ST18: variants seen among roughly 807,000 people sequenced by gnomAD.
ST18 encodes the protein ST18 C2H2C-type zinc finger transcription factor.
ST18 carries 50 observed loss-of-function variants against 110.0 expected under a neutral mutation model. The observed-to-expected ratio is 0.45, with a 90% confidence interval of 0.36 to 0.58. The LOEUF is 0.58. ST18 is among the 20% of genes least tolerant of loss of function. The pLI is 0.00. For missense variants in ST18, 1,306 were observed against 1,280.1 expected (o/e 1.02, Z -0.31); for synonymous variants, 461 against 452.4 (o/e 1.02, Z -0.24).
chr8:52,208,253 A>C (rs1296981608), intron 8 of ST18, among the ~76,000 whole-genome samples: 3 of 152,230 alleles, frequency 2.0e-5, no homozygotes, highest in African/African-American at 7.2e-5. Flanking sequence ...CATTCTAAAA[A>C]GAAGAACCAA....
intron 8 of ST18, chr8:52,194,861 T>C (rs1316132265): frequency 6.6e-6 from 1 of 152,212 alleles, no homozygotes; most frequent in Non-Finnish European, 1.5e-5. Flanking sequence ...AACAATCATA[T>C]CATTTTAAAG....
intron 2 of ST18, among the ~76,000 whole-genome samples, chr8:52,387,722 C>T (rs536928645): frequency 6.6e-5 from 10 of 152,146 alleles, no homozygotes; most frequent in Admixed American, 1.3e-4. Flanking sequence ...CCCAAGCAGA[C>T]GAATAATTAC....
At chr8:52,360,626 G>A (rs1554846961) in intron 2 of ST18, among the ~76,000 whole-genome samples, 2 of 152,120 alleles carry the variant, frequency 1.3e-5, no homozygotes, top group South Asian at 4.1e-4. Context: ...AGTGAACTGA[G>A]GCAAATTGTA....
chr8:52,250,445 C>CAAAGAA (rs2094202787), intron 2 of ST18, among the ~76,000 whole-genome samples: 1 of 4,272 alleles, frequency 2.3e-4, no homozygotes, highest in Non-Finnish European at 4.2e-4. Context: ...GCCTCAAAGG[C>CAAAGAA]AAAAAAAAAA....
At chr8:52,183,255 A>C (rs2070606841) in intron 8 of ST18, among the ~76,000 whole-genome samples, 1 of 152,208 alleles carries the variant, frequency 6.6e-6, no homozygotes, top group South Asian at 2.1e-4. Context: ...GGATATACAC[A>C]ACAGTCATTC....
chr8:52,200,775 T>TA (rs943632068), intron 8 of ST18, among the ~76,000 whole-genome samples: 1 of 152,150 alleles, frequency 6.6e-6, no homozygotes, highest in African/African-American at 2.4e-5. Context: ...AGATCAGACA[T>TA]AGAGTCTGAA....
intron 8 of ST18, among the ~76,000 whole-genome samples, chr8:52,190,867 G>A (rs534908195): frequency 1.3e-5 from 2 of 152,332 alleles, no homozygotes; most frequent in East Asian, 1.9e-4. Flanking sequence ...AAGATAAGTC[G>A]AACGAAGATT....
At chr8:52,205,016 T>C (rs1454912380) in intron 8 of ST18, among the ~76,000 whole-genome samples, 3 of 152,090 alleles carry the variant, frequency 2.0e-5, no homozygotes, top group East Asian at 3.9e-4. Flanking sequence ...AAAATACAGA[T>C]ATTAAGATTT....
chr8:52,270,244 G>A (rs987023028), intron 2 of ST18, among the ~76,000 whole-genome samples: 14 of 151,984 alleles, frequency 9.2e-5, no homozygotes, highest in Admixed American at 7.2e-4. Context: ...GAGTTAAATC[G>A]TCTAAACTCT....
intron 2 of ST18, among the ~76,000 whole-genome samples, chr8:52,290,365 C>G (rs921608736): frequency 6.6e-6 from 1 of 152,174 alleles, no homozygotes; most frequent in Non-Finnish European, 1.5e-5. Flanking sequence ...AAGGGAAATG[C>G]TACACTTTAG....
At chr8:52,181,375 T>C (rs1475975427) in intron 8 of ST18, among the ~76,000 whole-genome samples, 2 of 152,196 alleles carry the variant, frequency 1.3e-5, no homozygotes, top group Non-Finnish European at 2.9e-5. Context: ...TGCCTATTCG[T>C]GAAAATGATT....
At chr8:52,356,701 G>A (rs1342461043) in intron 2 of ST18, among the ~76,000 whole-genome samples, 1 of 152,004 alleles carries the variant, frequency 6.6e-6, no homozygotes, top group Non-Finnish European at 1.5e-5. Context: ...TATTTTCAAA[G>A]AGTTGAAGGA....
In ST18 at chr8:52,126,126, G is replaced by A; in HGVS notation, c.2681C>T (p.Pro894Leu). 1 of 1,613,948 alleles carries A rather than the reference G, an allele frequency of 6.2e-7. No homozygotes were observed. Among genetic ancestry groups the A allele is most frequent in the Non-Finnish European group, 8.5e-7 (1 of 1,179,924 alleles). The change falls in exon 23 of 26, where the codon CCT becomes CTT. Residue 894 changes from proline (P) to leucine (L), a missense_variant. Physicochemically the swap from Pro to Leu is moderately conservative, Grantham distance 98 (BLOSUM62 -3). Coordinates refer to ENST00000689386, the MANE Select transcript of ST18 (RefSeq NM_001352837.2). ...CTTTTTGATAACTTGTGCATTGAGAGGACATCCAGATAAGCTGTGAAAATA... is the reference window on the plus strand; with the variant it reads ...CTTTTTGATAACTTGTGCATTGAGAAGACATCCAGATAAGCTGTGAAAATA... Reference protein sequence around the residue: ...FVTHRSLSGCPLNAQVIKKGK... With the variant: ...FVTHRSLSGCLLNAQVIKKGK...
chr8:52,337,330 G>A (rs755874313), intron 2 of ST18, among the ~76,000 whole-genome samples: 15 of 152,250 alleles, frequency 9.9e-5, no homozygotes, highest in South Asian at 2.1e-4. Flanking sequence ...GTTTCTCTTC[G>A]TCTGGCAAAG....
At chr8:52,220,086 G>A (rs890866165) in intron 5 of ST18, among the ~76,000 whole-genome samples, 9 of 152,098 alleles carry the variant, frequency 5.9e-5, no homozygotes, top group Admixed American at 2.0e-4. Context: ...CCAGCTTTAC[G>A]TTTTAGAAGA....
chr8:52,212,534 T>C (rs1018124736), intron 7 of ST18, among the ~76,000 whole-genome samples: 8 of 152,226 alleles, frequency 5.3e-5, no homozygotes, highest in African/African-American at 1.4e-4. Flanking sequence ...ATATGTCCCA[T>C]GCTTTTACTC....
chr8:52,351,428 G>T (rs1820279165), intron 2 of ST18, among the ~76,000 whole-genome samples: 1 of 152,206 alleles, frequency 6.6e-6, no homozygotes, highest in African/African-American at 2.4e-5. Context: ...CAGATTCCTT[G>T]AAGACAAAGC....
intron 2 of ST18, among the ~76,000 whole-genome samples, chr8:52,385,556 C>T (rs1361987507): frequency 6.8e-6 from 1 of 147,990 alleles, no homozygotes; most frequent in Admixed American, 6.8e-5. Context: ...GCCAAGATCA[C>T]ACCACTGCAC....
intron 2 of ST18, among the ~76,000 whole-genome samples, chr8:52,284,350 T>A (rs1052192076): frequency 2.6e-5 from 4 of 152,122 alleles, no homozygotes; most frequent in Admixed American, 2.6e-4. Flanking sequence ...GGGCTAGGTT[T>A]TGGAAAGAAT....
Sources: allele counts gnomAD v4.1 joint callset (sites outside exome capture counted in the v4.1 genomes callset), GRCh38; gene constraint gnomAD v4.1.1; transcripts MANE v1.5; gene names NCBI Gene and HGNC (gene_info 2026-07-23, HGNC 2026-07-21).